RCOR1: variants seen among roughly 807,000 people sequenced by gnomAD.
The protein encoded by RCOR1 is REST corepressor 1.
RCOR1 carries 12 observed loss-of-function variants against 64.0 expected under a neutral mutation model. That is an observed-to-expected ratio of 0.19 (90% CI 0.12 to 0.30). The LOEUF (loss-of-function observed/expected upper bound fraction) is 0.30, where lower values mean the gene tolerates loss of function less well. RCOR1 is among the 10% of genes least tolerant of loss of function. The pLI is 1.00. For synonymous variants in RCOR1, 279 were observed against 227.2 expected (o/e 1.23, Z -2.05); for missense variants, 502 against 621.2 (o/e 0.81, Z 2.04).
At chr14:102,651,809 A>G (rs2139930169) in intron 2 of RCOR1, among the ~76,000 whole-genome samples, 1 of 152,242 alleles carries the variant, frequency 6.6e-6, no homozygotes. Context: ...TCTGGGCTCA[A>G]CGGGTCCTCC....
At chr14:102,668,240 T>C (rs1204234183) in intron 2 of RCOR1, among the ~76,000 whole-genome samples, 1 of 152,252 alleles carries the variant, frequency 6.6e-6, no homozygotes, top group South Asian at 2.1e-4. Context: ...TATACACGTT[T>C]AGAACATTTC....
chr14:102,664,540 T>C (rs1244379740), intron 2 of RCOR1, among the ~76,000 whole-genome samples: 2 of 152,196 alleles, frequency 1.3e-5, no homozygotes, highest in African/African-American at 2.4e-5. Flanking sequence ...AGAGTGCTAT[T>C]ATAAAGAGAG....
chr14:102,704,553 T>A (rs1217478488), intron 4 of RCOR1, among the ~76,000 whole-genome samples: 1 of 152,184 alleles, frequency 6.6e-6, no homozygotes, highest in African/African-American at 2.4e-5. Context: ...TGCCTCAGCC[T>A]CCTGAGTAGC....
At position 102,635,109 on chromosome 14, in the gene RCOR1, C is replaced by T. The variant is rs557912227; in HGVS notation, c.361+41784C>T. Among the ~76,000 whole-genome samples the T allele has an allele frequency of 3.9e-5, 6 of 152,264 alleles. No homozygotes were observed. The East Asian group carries it at 1.2e-3, about 29-fold the overall frequency. ...TTGGCCTCCTAAAGTGCTAGGATTA[C>T]AGGCATGAGCCATTGCACCCAGTCC... On this transcript the variant is annotated intron_variant, in intron 2 of 11. Coordinates refer to ENST00000262241, the MANE Select transcript of RCOR1 (RefSeq NM_015156.4).
chr14:102,722,338 A>G lies in RCOR1; in HGVS notation c.1341A>G (p.Glu447=), dbSNP rs758543286. The G allele has an allele frequency of 6.2e-7, 1 of 1,614,208 alleles. No individual in the cohort carries two copies. Among genetic ancestry groups the G allele is most frequent in the South Asian group, 1.1e-5 (1 of 91,088 alleles). ...LQEWEAEHGK[E]ETNGPSNQKP... Reference sequence around the variant, plus strand: ...AATGGGAGGCAGAACATGGTAAAGAAGAGACCAATGGGCCCAGTAACCAGA... The same window carrying G: ...AATGGGAGGCAGAACATGGTAAAGAGGAGACCAATGGGCCCAGTAACCAGA... The change falls in exon 11 of 12, where the codon GAA becomes GAG. Residue 447 remains glutamate (E), a synonymous_variant. Coordinates refer to ENST00000262241, the MANE Select transcript of RCOR1 (RefSeq NM_015156.4).
intron 2 of RCOR1, among the ~76,000 whole-genome samples, chr14:102,663,675 C>T (rs909818544): frequency 2.0e-5 from 3 of 151,996 alleles, no homozygotes; most frequent in African/African-American, 7.3e-5. Context: ...CTTGCCCATT[C>T]TGATTAGTGT....
intron 2 of RCOR1, chr14:102,655,316 A>G (rs1595214866): frequency 2.0e-6 from 2 of 985,040 alleles, no homozygotes; most frequent in Non-Finnish European, 2.4e-6. Flanking sequence ...AATACTGGAG[A>G]ATATCTGACC....
chr14:102,593,856 A>G (rs902916636), intron 2 of RCOR1, among the ~76,000 whole-genome samples: 10 of 152,036 alleles, frequency 6.6e-5, no homozygotes, highest in Middle Eastern at 3.4e-3. Context: ...ACCCCCCAAA[A>G]CCAGTCAATA....
At chr14:102,617,060 C>A (rs1392090301) in intron 2 of RCOR1, among the ~76,000 whole-genome samples, 1 of 152,132 alleles carries the variant, frequency 6.6e-6, no homozygotes, top group African/African-American at 2.4e-5. Context: ...TTCACAATAT[C>A]ACAATATGTT....
chr14:102,645,961 T>A (rs1044549347), intron 2 of RCOR1, among the ~76,000 whole-genome samples: 1 of 151,526 alleles, frequency 6.6e-6, no homozygotes, highest in Non-Finnish European at 1.5e-5. Flanking sequence ...TCCAAATGTA[T>A]GTCCTGTGGG....
chr14:102,623,816 G>C (rs915962872), intron 2 of RCOR1, among the ~76,000 whole-genome samples: 7 of 151,750 alleles, frequency 4.6e-5, no homozygotes, highest in Non-Finnish European at 1.0e-4. Context: ...CAGCAGTTTG[G>C]GAGGCCGAGG....
intron 2 of RCOR1, among the ~76,000 whole-genome samples, chr14:102,614,445 C>G (rs181609951): frequency 2.0e-5 from 3 of 150,350 alleles, no homozygotes; most frequent in Non-Finnish European, 3.0e-5. Context: ...AGCATGGTCT[C>G]GATCTCTTGA....
chr14:102,632,751 TCCCCTCCCC>T, intron 2 of RCOR1, among the ~76,000 whole-genome samples: 1 of 40,098 alleles, frequency 2.5e-5, no homozygotes, highest in Admixed American at 3.8e-4. Flanking sequence ...TCCCCTCCCC[TCCCCTCCCC>T]TCCCCTCCCC....
At chr14:102,656,711 A>G (rs965584218) in intron 2 of RCOR1, among the ~76,000 whole-genome samples, 2 of 150,848 alleles carry the variant, frequency 1.3e-5, no homozygotes, top group East Asian at 1.9e-4. Flanking sequence ...CAAGCGATCT[A>G]CCCACCTCAG....
chr14:102,677,330 A>G (rs76557933), intron 2 of RCOR1, among the ~76,000 whole-genome samples: 135 of 68,236 alleles, frequency 2.0e-3, no homozygotes, highest in African/African-American at 3.5e-3. Flanking sequence ...CTGGCCGGGC[A>G]GGGGGCTGAC....
chr14:102,694,616 A>G (rs1257780786), intron 3 of RCOR1, among the ~76,000 whole-genome samples: 1 of 152,104 alleles, frequency 6.6e-6, no homozygotes, highest in Non-Finnish European at 1.5e-5. Context: ...TTTGTTACCT[A>G]CTTGGAAGGA....
chr14:102,676,536 C>T (rs1194730180), intron 2 of RCOR1, among the ~76,000 whole-genome samples: 3 of 56,384 alleles, frequency 5.3e-5, no homozygotes, highest in Non-Finnish European at 9.9e-5. Flanking sequence ...CCGGACGGGG[C>T]GGCTGGCCGG....
At chr14:102,654,428 T>G (rs958777834) in intron 2 of RCOR1, among the ~76,000 whole-genome samples, 3 of 152,084 alleles carry the variant, frequency 2.0e-5, no homozygotes, top group Admixed American at 6.6e-5. Flanking sequence ...AGCTTGTCAT[T>G]TAGTATTTGA....
intron 2 of RCOR1, among the ~76,000 whole-genome samples, chr14:102,627,020 A>G (rs902744815): frequency 3.3e-5 from 5 of 152,186 alleles, no homozygotes; most frequent in Admixed American, 6.6e-5. Context: ...CTGTTTTCCT[A>G]TTCCAATTAC....
Sources: allele counts gnomAD v4.1 joint callset (sites outside exome capture counted in the v4.1 genomes callset), GRCh38; gene constraint gnomAD v4.1.1; transcripts MANE v1.5; gene names NCBI Gene and HGNC (gene_info 2026-07-23, HGNC 2026-07-21).